IGSF1: variants seen among roughly 807,000 people sequenced by gnomAD.
IGSF1 encodes the protein immunoglobulin superfamily member 1.
In IGSF1, 40 loss-of-function variants were observed where a neutral mutation model predicts 95.3. That is an observed-to-expected ratio of 0.42 (90% CI 0.33 to 0.55). IGSF1 has a LOEUF of 0.55. Ranked by LOEUF, IGSF1 falls within the 20% of genes least tolerant of loss-of-function variation. The pLI, the probability that IGSF1 is intolerant of heterozygous loss-of-function variation, is 0.10. For synonymous variants in IGSF1, 372 were observed against 382.9 expected (o/e 0.97, Z 0.33); for missense variants, 906 against 1,025.4 (o/e 0.88, Z 1.59).
chrX:131,287,933 A>C (rs1263735522), intron 1 of IGSF1, among the ~76,000 whole-genome samples: 4 of 111,808 alleles, frequency 3.6e-5, no homozygotes, highest in Non-Finnish European at 7.5e-5. Flanking sequence ...GGGAAGAGGC[A>C]GCTCCCAGAA....
intron 6 of IGSF1, 35 bp downstream of exon 6, chrX:131,282,945 G>A (rs779572675): frequency 3.4e-5 from 38 of 1,114,854 alleles, no homozygotes; most frequent in Middle Eastern, 4.9e-4. Flanking sequence ...ATCCTTAGCC[G>A]TTAACCTAAG....
Position 131,279,147 on chromosome X carries a change from C to G in IGSF1, c.1746G>C (p.Glu582Asp), listed in dbSNP as rs752001266. ...TCTGGAGCAGGAAAAACTCACCAGT[C>G]TCTTCTATCAATACCCCATTGCACA... is the stretch of plus-strand genomic sequence containing the variant. ...CGLCNGVLIE[E>D]TEIVMPTPKP... Residue 582 changes from glutamate (E) to aspartate (D), a missense_variant, in exon 11 of 20, where the codon GAG becomes GAC. Coordinates refer to ENST00000361420, the MANE Select transcript of IGSF1 (RefSeq NM_001555.5). 1.2e-5 allele frequency: 14 copies of G among 1,207,485 alleles called. No homozygotes were observed. The Admixed American group carries it at 1.7e-4, about 15-fold the overall frequency.
intron 8 of IGSF1, 43 bp from the exon 9 acceptor site, chrX:131,281,381 A>C: frequency 8.3e-7 from 1 of 1,201,258 alleles, no homozygotes; most frequent in Non-Finnish European, 1.1e-6. Context: ...TGATGGGGAC[A>C]GGGGCAGGTG....
At position 131,285,819 on chromosome X, in the gene IGSF1, C is replaced by T; in HGVS notation, c.327G>A (p.Trp109Ter). Residue 109 changes from tryptophan to a stop codon, truncating the protein, a stop_gained, in exon 4 of 20, where the codon TGG (tryptophan) becomes TGA (stop). Transcript: ENST00000361420. LOFTEE classifies it high-confidence loss of function. ...SNAGLYRCCY[W>*]KETGWSKPSK... Reference sequence around the variant, plus strand: ...TGGGCTTTGACCAGCCTGTCTCCTTCCAGTAGCAGCACCGGTAAAGACCTG... The same window carrying T: ...TGGGCTTTGACCAGCCTGTCTCCTTTCAGTAGCAGCACCGGTAAAGACCTG... 8.3e-7 allele frequency: 1 copy of T among 1,211,069 alleles called. No homozygotes were observed. Among genetic ancestry groups the T allele is most frequent in the Non-Finnish European group, 1.1e-6 (1 of 895,028 alleles).
intron 9 of IGSF1, chrX:131,280,963 CG>C (rs1556188237): frequency 1.1e-4 from 33 of 293,418 alleles, no homozygotes; most frequent in East Asian, 1.9e-4. Context: ...GGGCACCCTC[CG>C]GGGGGGATGT....
At position 131,286,678 on chromosome X, in the gene IGSF1, G is replaced by C; in HGVS notation, c.-4C>G. Reference sequence around the variant, plus strand: ...CCCCTGGTCTGTCCAGGGTCATGGGGCCTCTGGTGCTGGCTGTGTGCTCTG... The same window carrying C: ...CCCCTGGTCTGTCCAGGGTCATGGGCCCTCTGGTGCTGGCTGTGTGCTCTG... On this transcript the variant is annotated 5_prime_UTR_variant, in exon 2 of 20. Coordinates refer to ENST00000361420, the MANE Select transcript of IGSF1 (RefSeq NM_001555.5). The C allele has an allele frequency of 8.7e-7, 1 of 1,154,437 alleles. No individual in the cohort carries two copies.
chrX:131,285,110 C>T, intron 5 of IGSF1, 69 bp downstream of exon 5: 2 of 1,138,802 alleles, frequency 1.8e-6, no homozygotes, highest in South Asian at 4.4e-5. Flanking sequence ...AAATCAGAAA[C>T]CCTAGCTCAG....
In IGSF1 at chrX:131,281,802, G is replaced by A. The variant is rs1385080851; in HGVS notation, c.1389C>T (p.Phe463=). Residue 463 remains phenylalanine, a synonymous_variant, in exon 8 of 20, where the codon TTC becomes TTT. Transcript: ENST00000361420. ...EWEERETFQK[F]SVNGDFIISN... is the part of the protein sequence containing the mutation. The stretch of plus-strand genomic sequence containing the variant: ...TGATGATGAAGTCTCCGTTTACTGA[G>A]AATTTTTGGAATGTTTCTCTTTCTT... The A allele has an allele frequency of 5.0e-6, 6 of 1,209,381 alleles. No homozygotes were observed. Among genetic ancestry groups the A allele is most frequent in the African/African-American group, 1.8e-5 (1 of 57,043 alleles).
intron 11 of IGSF1, 73 bp from the exon 12 acceptor site, chrX:131,278,824 C>G (rs2080513581): frequency 1.0e-6 from 1 of 978,216 alleles, no homozygotes. Flanking sequence ...CTTGAACCCT[C>G]TACCCAGATC....
Position 131,282,685 on chromosome X carries a change from C to T in IGSF1, c.1005G>A (p.Met335Ile), listed in dbSNP as rs747255088. The T allele has an allele frequency of 8.3e-7, 1 of 1,210,937 alleles. No homozygotes were observed. The highest frequency in any genetic ancestry group is 2.2e-5 in the Admixed American group (1 of 46,057). ...LLARPSAVVQ[M>I]GQNVSLRCRG... is the part of the protein sequence containing the mutation. The stretch of plus-strand genomic sequence containing the variant: ...GACACCGTAGGCTCACATTCTGACC[C>T]ATTTGGACCACAGCACTGGGCCGAG... The change falls in exon 7 of 20, where the codon ATG (methionine) becomes ATA (isoleucine). Residue 335 changes from methionine (M) to isoleucine (I), a missense_variant. Met to Ile is a conservative substitution (Grantham distance 10). Around this residue, in one of 5 missense-constraint regions of IGSF1, gnomAD observed 442 missense variants for 448.1 expected, o/e 0.99. Coordinates refer to ENST00000361420, the MANE Select transcript of IGSF1 (RefSeq NM_001555.5).
At position 131,278,693 on chromosome X, in the gene IGSF1, G is replaced by T. The variant is rs761715574; in HGVS notation, c.1809C>A (p.Ala603=). 2 of 1,209,312 alleles carry T rather than the reference G, an allele frequency of 1.7e-6. No homozygotes were observed. The highest frequency in any genetic ancestry group is 3.5e-5 in the African/African-American group (2 of 57,176). The part of the protein sequence containing the change: ...ELWAETNFPL[A]PWKNLTLWCR... ...ACCAGAGGGTTAAGTTCTTCCACGG[G>T]GCCAGAGGAAAGTTGGTCTCTGCCC... The change falls in exon 12 of 20, where the codon GCC becomes GCA. Residue 603 remains alanine (A), a synonymous_variant. Coordinates refer to ENST00000361420, the MANE Select transcript of IGSF1 (RefSeq NM_001555.5).
rs777165320 is a variant in IGSF1, at chrX:131,285,419, G to A, written c.427C>T (p.Leu143Phe). Reference sequence around the variant, plus strand: ...AGGATGTTAACATTACACCCAGGAAGAGCGGGGGTCTCAGCCTGAATCCAG... The same window carrying A: ...AGGATGTTAACATTACACCCAGGAAAAGCGGGGGTCTCAGCCTGAATCCAG... ...IFWIQAETPA[L>F]PGCNVNILCH... The change falls in exon 5 of 20, where the codon CTT becomes TTT. Residue 143 changes from leucine to phenylalanine, a missense_variant. Transcript: ENST00000361420. 1.8e-5 allele frequency: 22 copies of A among 1,207,983 alleles called. No individual in the cohort carries two copies. In the South Asian group the frequency reaches 3.5e-4, roughly 19 times the overall value.
Position 131,275,742 on chromosome X carries a change from A to G in IGSF1, c.2920T>C (p.Phe974Leu). ...VTDTFPKPWL[F>L]AEPSSVVPMG... is the part of the protein sequence containing the mutation. ...GGAACCACAGAACTGGGCTCAGCAA[A>G]CAACCATGGCTTAGGGAATGTGTCT... Residue 974 changes from phenylalanine to leucine, a missense_variant, in exon 16 of 20, where the codon TTT becomes CTT. Around this residue, in one of 5 missense-constraint regions of IGSF1, gnomAD observed 411 missense variants for 494.9 expected, o/e 0.83. Transcript: ENST00000361420. 8.3e-7 allele frequency: 1 copy of G among 1,210,997 alleles called. No homozygotes were observed. Among genetic ancestry groups the G allele is most frequent in the Non-Finnish European group, 1.1e-6 (1 of 894,758 alleles).
intron 16 of IGSF1, 34 bp from the exon 17 acceptor site, chrX:131,275,320 G>A: frequency 8.4e-7 from 1 of 1,194,104 alleles, no homozygotes; most frequent in African/African-American, 1.7e-5. Flanking sequence ...AAAGAGAAGA[G>A]GTCACTTTCC....
intron 12 of IGSF1, 107 bp from the exon 13 acceptor site, chrX:131,278,241 C>T: frequency 1.2e-6 from 1 of 854,449 alleles, no homozygotes; most frequent in East Asian, 3.2e-5. Flanking sequence ...CTGGGCTGGC[C>T]CTAGGCTCTT....
chrX:131,278,354 C>A, intron 12 of IGSF1, 107 bp downstream of exon 12: 1 of 810,890 alleles, frequency 1.2e-6, no homozygotes, highest in East Asian at 3.1e-5. Flanking sequence ...AGCACGAGCC[C>A]CTTGGGCTCC....
At chrX:131,275,432 C>G in intron 16 of IGSF1, 46 bp downstream of exon 16, 1 of 1,177,646 alleles carries the variant, frequency 8.5e-7, no homozygotes, top group Non-Finnish European at 1.2e-6. Context: ...AGTCTATTCC[C>G]TCCTTTCTAC....
At chrX:131,284,138 T>C in intron 5 of IGSF1, 3 of 698,943 alleles carry the variant, frequency 4.3e-6, no homozygotes, top group Non-Finnish European at 3.4e-6. Context: ...TGTTCTTTGA[T>C]CCTCAATAAA....
chrX:131,287,827 C>T (rs182391607), intron 1 of IGSF1, among the ~76,000 whole-genome samples: 10 of 111,726 alleles, frequency 9.0e-5, no homozygotes, highest in Admixed American at 7.6e-4. Context: ...GTCCCAGCCA[C>T]GCAAACTCAA....
Sources: allele counts gnomAD v4.1 joint callset (sites outside exome capture counted in the v4.1 genomes callset), GRCh38; gene constraint gnomAD v4.1.1; regional missense constraint gnomAD v4.1.1; transcripts MANE v1.5; gene names NCBI Gene and HGNC (gene_info 2026-07-23, HGNC 2026-07-21).